DDAH1: variants seen among roughly 807,000 people sequenced by gnomAD.
DDAH1 encodes N(G),N(G)-dimethylarginine dimethylaminohydrolase 1.
Under a neutral mutation model 28.8 loss-of-function variants are expected in DDAH1, and 19 were observed. The ratio of observed to expected loss-of-function variants is 0.66; its 90% confidence interval spans 0.46 to 0.97. The LOEUF is 0.97. Ranked by LOEUF, DDAH1 falls within the 50% of genes least tolerant of loss-of-function variation. DDAH1 has a pLI of 0.00. For synonymous variants in DDAH1, 153 were observed against 154.4 expected, an observed-to-expected ratio of 0.99 and a Z score of 0.07; for missense variants, 326 against 375.9, an observed-to-expected ratio of 0.87 and a Z score of 1.10.
At chr1:85,340,730 A>C (rs2100820439) in intron 4 of DDAH1, among the ~76,000 whole-genome samples, 1 of 152,188 alleles carries the variant, frequency 6.6e-6, no homozygotes, top group East Asian at 1.9e-4. Flanking sequence ...GATCTTTCTG[A>C]AAAAACACCT....
intron 1 of DDAH1, among the ~76,000 whole-genome samples, chr1:85,402,980 T>A (rs1029127528): frequency 1.3e-5 from 2 of 151,604 alleles, no homozygotes; most frequent in African/African-American, 4.8e-5. Context: ...CCTCCACAGA[T>A]ACCTGTTTTC....
At chr1:85,456,509 T>C (rs1023573772) in intron 1 of DDAH1, among the ~76,000 whole-genome samples, 2 of 152,242 alleles carry the variant, frequency 1.3e-5, no homozygotes, top group Non-Finnish European at 2.9e-5. Flanking sequence ...CAGTATTCAA[T>C]AAATTACATG....
rs1165354630 is a variant in DDAH1 at position 85,324,847 on chromosome 1, G to C, written c.634C>G (p.Leu212Val). The stretch of plus-strand genomic sequence containing the variant: ...GCTGCTATGTCATCAGGCACAGTGA[G>C]TTTGTCGTAGCGGTGGTCACTCATC... ...QQMSDHRYDK[L>V]TVPDDIAANC... is the part of the protein sequence containing the mutation. Residue 212 changes from leucine (L) to valine (V), a missense_variant, in exon 5 of 6, where the codon CTC (leucine) becomes GTC (valine). Physicochemically the swap from Leu to Val is conservative, Grantham distance 32. Transcript: ENST00000284031. 3 of 1,614,038 alleles carry C rather than the reference G, an allele frequency of 1.9e-6. No homozygotes were observed. The highest frequency in any genetic ancestry group is 2.5e-6 in the Non-Finnish European group (3 of 1,180,028).
intron 1 of DDAH1, among the ~76,000 whole-genome samples, chr1:85,510,656 T>C (rs1368368156): frequency 6.6e-6 from 1 of 152,036 alleles, no homozygotes; most frequent in Non-Finnish European, 1.5e-5. Context: ...TGGAGGAAGA[T>C]CTACCAAGCA....
intron 4 of DDAH1, among the ~76,000 whole-genome samples, chr1:85,331,202 C>T (rs1404093637): frequency 3.3e-5 from 5 of 152,162 alleles, no homozygotes; most frequent in Admixed American, 6.5e-5. Flanking sequence ...CTCATCCAAA[C>T]GACTGAAAGC....
intron 1 of DDAH1, among the ~76,000 whole-genome samples, chr1:85,575,147 C>A (rs1262487140): frequency 6.6e-6 from 1 of 152,094 alleles, no homozygotes. Context: ...GGGTGGATGG[C>A]TTGAGCCCAG....
upstream of DDAH1, among the ~76,000 whole-genome samples, chr1:85,468,521 C>CTT (rs145367827): frequency 5.2e-4 from 72 of 139,036 alleles, 1 homozygote; most frequent in South Asian, 7.0e-4. Context: ...GGGAACTCTC[C>CTT]TTTTTTTTTT....
intron 4 of DDAH1, among the ~76,000 whole-genome samples, chr1:85,335,399 A>C (rs1168401727): frequency 6.6e-6 from 1 of 152,312 alleles, no homozygotes; most frequent in South Asian, 2.1e-4. Flanking sequence ...AAAACCCATG[A>C]CCTAACTATA....
intron 4 of DDAH1, among the ~76,000 whole-genome samples, chr1:85,334,895 G>GA (rs952132351): frequency 6.6e-6 from 1 of 151,974 alleles, no homozygotes; most frequent in Non-Finnish European, 1.5e-5. Context: ...AGTGCTGAAA[G>GA]AAAAAAACTG....
At chr1:85,380,500 C>G (rs1240125074) in intron 1 of DDAH1, 1 of 152,212 alleles carries the variant, frequency 6.6e-6, no homozygotes, top group Non-Finnish European at 1.5e-5. Context: ...CATATTCCCA[C>G]TGGCCTCTGG....
intron 1 of DDAH1, among the ~76,000 whole-genome samples, chr1:85,382,005 A>C (rs1469942589): frequency 6.6e-6 from 1 of 152,142 alleles, no homozygotes; most frequent in South Asian, 2.1e-4. Flanking sequence ...TTAATATCCT[A>C]CCATGGCCTC....
intron 1 of DDAH1, among the ~76,000 whole-genome samples, chr1:85,456,062 A>C (rs1654866001): frequency 6.6e-6 from 1 of 150,742 alleles, no homozygotes; most frequent in Admixed American, 6.6e-5. Flanking sequence ...CCCACCCTAC[A>C]CTTTCTCTCC....
intron 1 of DDAH1, among the ~76,000 whole-genome samples, chr1:85,407,582 T>C (rs1256910627): frequency 2.0e-5 from 3 of 152,198 alleles, no homozygotes; most frequent in Admixed American, 6.5e-5. Flanking sequence ...CTGCTACTAA[T>C]TGGAGGTTTC....
chr1:85,323,278 T>TA (rs927438582), intron 5 of DDAH1, among the ~76,000 whole-genome samples: 5 of 152,082 alleles, frequency 3.3e-5, no homozygotes, highest in Non-Finnish European at 7.4e-5. Flanking sequence ...GGCTCTTCTG[T>TA]AATGCATAGT....
intron 2 of DDAH1, among the ~76,000 whole-genome samples, chr1:85,352,020 C>G (rs1413688286): frequency 6.6e-6 from 1 of 152,120 alleles, no homozygotes; most frequent in East Asian, 1.9e-4. Context: ...CAATAATAAA[C>G]ACATTGATAA....
intron 1 of DDAH1, among the ~76,000 whole-genome samples, chr1:85,496,644 A>T (rs188353423): frequency 9.8e-5 from 15 of 152,340 alleles, no homozygotes; most frequent in Admixed American, 5.9e-4. Context: ...TTTTTAAGTT[A>T]TATGTATTAA....
At chr1:85,536,010 C>T (rs1658263838) in intron 1 of DDAH1, among the ~76,000 whole-genome samples, 1 of 152,002 alleles carries the variant, frequency 6.6e-6, no homozygotes, top group Admixed American at 6.6e-5. Flanking sequence ...CTTGTAATCC[C>T]ATCACTTTGG....
chr1:85,446,770 A>G (rs1168597446), intron 1 of DDAH1, among the ~76,000 whole-genome samples: 1 of 152,046 alleles, frequency 6.6e-6, no homozygotes, highest in African/African-American at 2.4e-5. Flanking sequence ...AGATGTATCA[A>G]GTTTCTGGGT....
At chr1:85,492,065 T>G (rs1292467540) in intron 2 of DDAH1, among the ~76,000 whole-genome samples, 1 of 152,188 alleles carries the variant, frequency 6.6e-6, no homozygotes, top group Non-Finnish European at 1.5e-5. Context: ...ATGATCCTCA[T>G]TTTATGGATG....
Sources: gnomAD v4.1 joint callset for allele counts (sites outside exome capture counted in the v4.1 genomes callset) on GRCh38, gnomAD v4.1.1 for gene constraint, MANE v1.5 for transcripts, NCBI Gene and HGNC (gene_info 2026-07-23, HGNC 2026-07-21) for gene names.